Variants in POU5F1 observed in about 807,000 individuals in gnomAD.
The protein encoded by POU5F1 is POU class 5 homeobox 1.
In POU5F1, 6 loss-of-function variants were observed where a neutral mutation model predicts 38.3. That is an observed-to-expected ratio of 0.16 (90% CI 0.09 to 0.31). POU5F1 has a LOEUF of 0.31. Among genes scored for constraint, POU5F1 ranks in the 10% least tolerant of loss-of-function variants. POU5F1 has a pLI of 1.00. For synonymous variants in POU5F1, 147 were observed against 194.9 expected (o/e 0.75, Z 2.05); for missense variants, 286 against 462.6 (o/e 0.62, Z 3.50).
chr6:31,169,806 A>G (rs1674034258), intron 1 of POU5F1: 1 of 248,568 alleles, frequency 4.0e-6, no homozygotes, highest in African/African-American at 2.2e-5. Context: ...TAAGGGTCAA[A>G]TTTTCAAGCA....
chr6:31,164,495 T>G lies in POU5F1; in HGVS notation c.*106A>C. 1 of 1,490,024 alleles carries G rather than the reference T, an allele frequency of 6.7e-7. No homozygotes were observed. The allele number at this position is 1,490,024 out of a possible 1,614,324, so 92.3% of individuals were successfully genotyped here. ...ACCCTTTGTGTTCCCAATTCCTTCC[T>G]TAGTGAATGAAGAACTTAATCCCAA... is the stretch of plus-strand genomic sequence containing the variant. On this transcript the variant is annotated 3_prime_UTR_variant, in exon 5 of 5. Coordinates refer to ENST00000259915, the MANE Select transcript of POU5F1 (RefSeq NM_002701.6).
intron 1 of POU5F1, among the ~76,000 whole-genome samples, chr6:31,167,714 TA>T (rs9281236): frequency 5.4e-5 from 8 of 147,986 alleles, no homozygotes; most frequent in Non-Finnish European, 9.0e-5. Flanking sequence ...TCTCAAAAAT[TA>T]AAAAAAAAAT....
chr6:31,169,942 A>G, intron 1 of POU5F1: 2 of 583,520 alleles, frequency 3.4e-6, no homozygotes, highest in Non-Finnish European at 6.1e-6. Context: ...GCTGGGCCAG[A>G]GCAAAGGCCA....
At chr6:31,168,814 G>A (rs1481672552) in intron 1 of POU5F1, among the ~76,000 whole-genome samples, 2 of 152,194 alleles carry the variant, frequency 1.3e-5, no homozygotes, top group African/African-American at 4.8e-5. Flanking sequence ...TTGAGGGTGG[G>A]TGAGAGGAAG....
At chr6:31,170,000 A>T in intron 1 of POU5F1, 1 of 711,728 alleles carries the variant, frequency 1.4e-6, no homozygotes, top group Admixed American at 2.8e-5. Context: ...CCTCACCGGC[A>T]GTTGTCTCTT....
intron 1 of POU5F1, chr6:31,170,011 C>A: frequency 2.6e-6 from 2 of 782,008 alleles, no homozygotes; most frequent in Non-Finnish European, 2.0e-6. Context: ...GTTGTCTCTT[C>A]GAAATCCAGC....
intron 1 of POU5F1, among the ~76,000 whole-genome samples, chr6:31,169,095 A>G (rs1777487458): frequency 6.6e-6 from 1 of 152,216 alleles, no homozygotes; most frequent in Non-Finnish European, 1.5e-5. Flanking sequence ...TGGAATAAAC[A>G]CTGGTCCAAA....
At position 31,170,544 on chromosome 6, in the gene POU5F1, T is replaced by C; in HGVS notation, c.77A>G (p.Glu26Gly). The C allele has an allele frequency of 1.3e-6, 2 of 1,574,266 alleles. No individual in the cohort carries two copies. The highest frequency in any genetic ancestry group is 1.7e-6 in the Non-Finnish European group (2 of 1,160,800). Residue 26 changes from glutamate to glycine, a missense_variant, in exon 1 of 5, where the codon GAG becomes GGG. Coordinates refer to ENST00000259915, the MANE Select transcript of POU5F1 (RefSeq NM_002701.6). The part of the protein sequence containing the change: ...GGGGDGPGGP[E>G]PGWVDPRTWL... ...GGTCCGAGGATCAACCCAGCCCGGC[T>C]CCGGCCCCCCTGGCCCATCACCTCC...
chr6:31,168,189 C>T (rs3094195), intron 1 of POU5F1, among the ~76,000 whole-genome samples: 82,013 of 150,636 alleles, frequency 0.54, 22,685 homozygotes, highest in African/African-American at 0.63. Context: ...CCACCTTGGC[C>T]TCCCAAAGTG....
Position 31,165,883 on chromosome 6 carries a change from C to T in POU5F1, c.526+44G>A, listed in dbSNP as rs1368930453. Reference sequence around the variant, plus strand: ...CCTCCCCACTAGGTTCAGGGATACTCCTTAGAGGGGAGATGCGGTCAGAAT... The same window carrying T: ...CCTCCCCACTAGGTTCAGGGATACTTCTTAGAGGGGAGATGCGGTCAGAAT... On this transcript the variant is annotated intron_variant, in intron 2 of 4. Transcript: ENST00000259915. The surrounding 1 kb of genome is among the most constrained non-coding windows in gnomAD (Gnocchi z 6.5). The T allele has an allele frequency of 6.2e-7, 1 of 1,612,486 alleles. No homozygotes were observed. The highest frequency in any genetic ancestry group is 8.5e-7 in the Non-Finnish European group (1 of 1,179,034).
rs1055684992 is a variant in POU5F1 at position 31,166,225 on chromosome 6, A to G, written c.406-178T>C. 4.5e-6 allele frequency: 7 copies of G among 1,552,242 alleles called. No homozygotes were observed. In the Admixed American group the frequency reaches 1.4e-4, roughly 30 times the overall value. ...AATAACCTACCCACAAATGTCATTC[A>G]CCCATTCCCTGTTCACTGACTCATG... is the stretch of plus-strand genomic sequence containing the variant. On this transcript the variant is annotated intron_variant, in intron 1 of 4. Transcript: ENST00000259915.
At position 31,166,890 on chromosome 6, in the gene POU5F1, C is replaced by G. The variant is rs920402080; in HGVS notation, c.406-843G>C. 4.6e-6 allele frequency: 6 copies of G among 1,317,050 alleles called. No homozygotes were observed. The African/African-American group carries it at 8.9e-5, about 20-fold the overall frequency. 81.6% of individuals were successfully genotyped at this position (1,317,050 alleles called of 1,614,324 possible). On this transcript the variant is annotated intron_variant, in intron 1 of 4. Transcript: ENST00000259915. ...AACATGGCATGCATACACACAAACA[C>G]AGCAAAAAAGTAACAGGTGTCATAA...
Position 31,165,079 on chromosome 6 carries a change from G to T in POU5F1, c.816+49C>A. The T allele has an allele frequency of 6.3e-7, 1 of 1,588,306 alleles. No individual in the cohort carries two copies. Among genetic ancestry groups the T allele is most frequent in the Non-Finnish European group, 8.6e-7 (1 of 1,167,838 alleles). The stretch of plus-strand genomic sequence containing the variant: ...AGGAGCCAGAGCTAGGGAAAGCGAG[G>T]TGGTGACAGGGGAAAGAGATGGAGC... On this transcript the variant is annotated intron_variant, in intron 4 of 4. Transcript: ENST00000259915. This position sits in a 1 kb window ranked among gnomAD's most constrained non-coding sequence, Gnocchi z 6.5.
intron 1 of POU5F1, among the ~76,000 whole-genome samples, chr6:31,168,112 G>T (rs193243666): frequency 1.3e-5 from 2 of 152,072 alleles, no homozygotes; most frequent in South Asian, 4.1e-4. Flanking sequence ...GCTAATTTTT[G>T]TATTTTTAGT....
At chr6:31,167,851 G>A (rs555931299) in intron 1 of POU5F1, among the ~76,000 whole-genome samples, 1 of 152,312 alleles carries the variant, frequency 6.6e-6, no homozygotes, top group East Asian at 1.9e-4. Flanking sequence ...GCCCTGAAGT[G>A]GGCCTTCCAG....
At position 31,169,809 on chromosome 6, in the gene POU5F1, T is replaced by C. The variant is rs1487939234; in HGVS notation, c.405+407A>G. On this transcript the variant is annotated intron_variant, in intron 1 of 4. Transcript: ENST00000259915. ...TCTTGGGTCTGATAAGGGTCAAATT[T>C]TCAAGCAGGACTAAGGGTGGGAAAA... The C allele has an allele frequency of 2.8e-5, 7 of 254,518 alleles. No individual in the cohort carries two copies. The Admixed American group carries it at 3.0e-4, about 11-fold the overall frequency. The allele number at this position is 254,518 out of a possible 1,614,324, so 15.8% of individuals were successfully genotyped here. A position where few individuals can be genotyped will look rare whatever the true frequency, so the allele number is the denominator to read the frequency against.
intron 1 of POU5F1, among the ~76,000 whole-genome samples, chr6:31,168,993 C>G (rs1777481775): frequency 6.6e-6 from 1 of 152,194 alleles, no homozygotes; most frequent in Admixed American, 6.5e-5. Flanking sequence ...TTCAAATAGG[C>G]TGTTTTCATC....
intron 1 of POU5F1, among the ~76,000 whole-genome samples, chr6:31,168,228 CTAGCCTCACCTT>C (rs1370868666): frequency 6.9e-6 from 1 of 145,576 alleles, no homozygotes; most frequent in Non-Finnish European, 1.5e-5. Context: ...ACCACCGCAC[CTAGCCTCACCTT>C]TTTTTTTTTT....
chr6:31,166,601 G>C (rs1306970706), intron 1 of POU5F1: 4 of 1,069,624 alleles, frequency 3.7e-6, no homozygotes, highest in Non-Finnish European at 4.9e-6. Context: ...GGAGGTTGCA[G>C]TGAGCTGAGA....
Sources: gnomAD v4.1 joint callset for allele counts (sites outside exome capture counted in the v4.1 genomes callset) on GRCh38, gnomAD v4.1.1 for gene constraint, Gnocchi (gnomAD v3.1) non-coding constraint, MANE v1.5 for transcripts, NCBI Gene and HGNC (gene_info 2026-07-23, HGNC 2026-07-21) for gene names.